The following MAP4K4 variants were observed in gnomAD, a reference collection of about 807,000 sequenced individuals.
MAP4K4 encodes the protein HPK/GCK-like kinase HGK.
MAP4K4 carries 38 observed loss-of-function variants against 189.6 expected under a neutral mutation model. The observed-to-expected ratio is 0.20, with a 90% CI of 0.15 to 0.26. The LOEUF is 0.26. Ranked by LOEUF, MAP4K4 falls within the 10% of genes least tolerant of loss-of-function variation. The pLI is 1.00. For synonymous variants in MAP4K4, 610 were observed against 624.3 expected (o/e 0.98, Z 0.34); for missense variants, 1,054 against 1,726.9 (o/e 0.61, Z 6.91).
chr2:101,729,095 A>AGTGTGTGTGT (rs2057109541), intron 2 of MAP4K4, among the ~76,000 whole-genome samples: 1 of 102,472 alleles, frequency 9.8e-6, no homozygotes, highest in Non-Finnish European at 2.0e-5. Context: ...AGAGAGAGAG[A>AGTGTGTGTGT]GAGAGAGTGT....
chr2:101,859,785 C>T (rs1232849580), exon 15 of MAP4K4: 14 of 1,610,876 alleles, frequency 8.7e-6, no homozygotes, highest in East Asian at 2.2e-5. Context: ...CCGCCACCAC[C>T]GCAGCAGGAA....
chr2:101,736,476 T>G (rs1415546204), intron 2 of MAP4K4, among the ~76,000 whole-genome samples: 1 of 152,260 alleles, frequency 6.6e-6, no homozygotes, highest in Non-Finnish European at 1.5e-5. Flanking sequence ...GTCATAGCAC[T>G]TGGCACAGTT....
At chr2:101,836,024 A>G in intron 9 of MAP4K4, 46 bp downstream of exon 9, 1 of 1,424,440 alleles carries the variant, frequency 7.0e-7, no homozygotes, top group Non-Finnish European at 9.9e-7. Context: ...TTTTTTTTAA[A>G]TTGCTTCTTT....
intron 2 of MAP4K4, among the ~76,000 whole-genome samples, chr2:101,761,322 T>A (rs565021070): frequency 5.3e-4 from 81 of 151,908 alleles, no homozygotes; most frequent in African/African-American, 1.6e-3. Context: ...CTTAAAAAAA[T>A]TTTTTTTTAT....
intron 3 of MAP4K4, among the ~76,000 whole-genome samples, chr2:101,817,472 C>T (rs1034387923): frequency 6.6e-6 from 1 of 152,170 alleles, no homozygotes; most frequent in Non-Finnish European, 1.5e-5. Flanking sequence ...GAACTATATT[C>T]ACCATCTGAA....
At chr2:101,762,844 A>G (rs1558796517) in intron 2 of MAP4K4, among the ~76,000 whole-genome samples, 2 of 152,106 alleles carry the variant, frequency 1.3e-5, no homozygotes, top group African/African-American at 4.8e-5. Context: ...GGGAGAGGAA[A>G]GGATTATGGA....
chr2:101,700,515 C>T lies in MAP4K4; in HGVS notation c.123+1977C>T, dbSNP rs1373667240. 3.9e-5 allele frequency among the ~76,000 whole-genome samples: 6 copies of T among 152,334 alleles called. No individual in the cohort carries two copies. The East Asian group carries it at 1.2e-3, about 29-fold the overall frequency. On this transcript the variant is annotated intron_variant, in intron 2 of 32. Transcript: ENST00000324219. ...ACAAAATAGTGCCTGAGATTTTGCT[C>T]ATAAGCAGTTACATTTTTATATTAT...
intron 25 of MAP4K4, 85 bp downstream of exon 25, chr2:101,873,849 T>C: frequency 9.8e-7 from 1 of 1,017,946 alleles, no homozygotes; most frequent in South Asian, 1.5e-5. Flanking sequence ...GTGTAGCTGG[T>C]TGTTCACAGG....
intron 2 of MAP4K4, among the ~76,000 whole-genome samples, chr2:101,700,354 G>A (rs888880577): frequency 2.0e-5 from 3 of 152,172 alleles, no homozygotes; most frequent in Admixed American, 1.3e-4. Flanking sequence ...TTTGCTGAGC[G>A]CTAGCTACGT....
exon 33 of MAP4K4, chr2:101,893,532 G>A (rs55821509): frequency 0.095 from 25,710 of 269,516 alleles, 1,772 homozygotes; most frequent in Non-Finnish European, 0.13. Flanking sequence ...GAACACACTC[G>A]TGTACATATC....
chr2:101,726,434 T>A (rs2055417812), intron 2 of MAP4K4, among the ~76,000 whole-genome samples: 1 of 152,236 alleles, frequency 6.6e-6, no homozygotes, highest in Non-Finnish European at 1.5e-5. Context: ...TGAGCCTTCT[T>A]TCTTCCTTAG....
At chr2:101,866,926 A>G (rs1221836864) in intron 19 of MAP4K4, among the ~76,000 whole-genome samples, 1 of 151,674 alleles carries the variant, frequency 6.6e-6, no homozygotes, top group Non-Finnish European at 1.5e-5. Flanking sequence ...ATGTACTCAT[A>G]ATAGATGAGT....
At chr2:101,755,909 T>G (rs2072310531) in intron 2 of MAP4K4, among the ~76,000 whole-genome samples, 2 of 151,540 alleles carry the variant, frequency 1.3e-5, no homozygotes, top group South Asian at 4.1e-4. Context: ...GAAACTTTAT[T>G]TATAGTATGA....
At chr2:101,869,885 G>A (rs2097930073) in intron 22 of MAP4K4, 88 bp downstream of exon 22, 6 of 1,436,568 alleles carry the variant, frequency 4.2e-6, no homozygotes, top group South Asian at 1.5e-5. Flanking sequence ...AGACTATTCC[G>A]TGACCCCATG....
chr2:101,702,708 G>A (rs546049256), intron 2 of MAP4K4, among the ~76,000 whole-genome samples: 1 of 152,276 alleles, frequency 6.6e-6, no homozygotes, highest in Non-Finnish European at 1.5e-5. Flanking sequence ...CTGAAATCAA[G>A]GTTCACTCAA....
chr2:101,724,311 A>G (rs1317266662), intron 2 of MAP4K4, among the ~76,000 whole-genome samples: 3 of 152,192 alleles, frequency 2.0e-5, no homozygotes, highest in African/African-American at 7.2e-5. Context: ...TCAAGGGGCC[A>G]GGAGGAATTT....
rs554991009 is a variant in MAP4K4, at chr2:101,835,730, G to C, written c.695-170G>C. Among the ~76,000 whole-genome samples, 7 of 152,248 alleles carry C rather than the reference G, an allele frequency of 4.6e-5. No homozygotes were observed. In the South Asian group the frequency reaches 1.5e-3, roughly 32 times the overall value. On this transcript the variant is annotated intron_variant, in intron 8 of 32. Transcript: ENST00000324219. ...CTCCCACTTTGCTATTTTTAAATGG[G>C]AAATTCAAGATATGCCCTGGAGTTC...
intron 2 of MAP4K4, among the ~76,000 whole-genome samples, chr2:101,767,103 A>G (rs752972224): frequency 1.2e-4 from 18 of 152,108 alleles, no homozygotes; most frequent in Non-Finnish European, 2.6e-4. Flanking sequence ...ACAAAGTTAT[A>G]CCCTATGCAG....
intron 2 of MAP4K4, among the ~76,000 whole-genome samples, chr2:101,753,801 A>C (rs572475959): frequency 1.5e-4 from 23 of 152,018 alleles, no homozygotes; most frequent in Non-Finnish European, 2.6e-4. Flanking sequence ...CCAGTAATGC[A>C]CTTTTAGGAA....
Sources: gnomAD v4.1 joint callset for allele counts (sites outside exome capture counted in the v4.1 genomes callset) on GRCh38, gnomAD v4.1.1 for gene constraint, MANE v1.5 for transcripts, NCBI Gene and HGNC (gene_info 2026-07-23, HGNC 2026-07-21) for gene names.